The following AVEN variants were observed in gnomAD, a reference collection of about 807,000 sequenced individuals.
AVEN encodes cell death regulator Aven.
Under a neutral mutation model 38.1 loss-of-function variants are expected in AVEN, and 41 were observed. The observed-to-expected ratio is 1.08, with a 90% CI of 0.84 to 1.40. AVEN has a LOEUF of 1.40. Ranked by LOEUF, AVEN falls within the 40% of genes most tolerant of loss-of-function variation. AVEN has a pLI of 0.00. For synonymous variants in AVEN, 206 were observed against 171.8 expected (o/e 1.20, Z -1.56); for missense variants, 605 against 438.8 (o/e 1.38, Z -3.38).
At chr15:34,071,558 G>A (rs1339826302) in intron 1 of AVEN, among the ~76,000 whole-genome samples, 1 of 152,190 alleles carries the variant, frequency 6.6e-6, no homozygotes, top group Non-Finnish European at 1.5e-5. Context: ...TTCCAGGTGT[G>A]AGGCACCGTG....
At chr15:33,921,233 G>T (rs543837151) in intron 2 of AVEN, among the ~76,000 whole-genome samples, 3 of 152,202 alleles carry the variant, frequency 2.0e-5, no homozygotes, top group Admixed American at 6.5e-5. Flanking sequence ...AGTAGATAAA[G>T]ATTAATCTTC....
At chr15:33,883,442 T>C (rs929930414) in intron 2 of AVEN, among the ~76,000 whole-genome samples, 1 of 152,196 alleles carries the variant, frequency 6.6e-6, no homozygotes, top group South Asian at 2.1e-4. Flanking sequence ...AAAATGTGTT[T>C]TGGTGAACCA....
At chr15:34,053,664 A>G (rs1483721597) in intron 5 of AVEN, among the ~76,000 whole-genome samples, 1 of 152,138 alleles carries the variant, frequency 6.6e-6, no homozygotes, top group Non-Finnish European at 1.5e-5. Flanking sequence ...CTTATACCTT[A>G]TACAAAAATT....
At chr15:33,988,556 C>T (rs531567685) in intron 2 of AVEN, among the ~76,000 whole-genome samples, 3 of 152,124 alleles carry the variant, frequency 2.0e-5, no homozygotes, top group Admixed American at 1.3e-4. Context: ...CACTGATGAC[C>T]GCCATCAGCT....
At chr15:33,892,504 TTTC>T (rs1892029046) in intron 2 of AVEN, among the ~76,000 whole-genome samples, 1 of 152,034 alleles carries the variant, frequency 6.6e-6, no homozygotes, top group Non-Finnish European at 1.5e-5. Flanking sequence ...CATTGCTTGT[TTTC>T]GTCAGGTTTG....
chr15:33,948,853 A>G (rs988156987), intron 2 of AVEN, among the ~76,000 whole-genome samples: 1 of 151,576 alleles, frequency 6.6e-6, no homozygotes, highest in Non-Finnish European at 1.5e-5. Context: ...TTGTATTTTT[A>G]TCGAGACAGG....
chr15:33,904,716 T>TACACACACAC lies in AVEN; in HGVS notation c.446-28731_446-28722dup, dbSNP rs371204081. ...AAAAATATATATATATATATATATA[T>TACACACACAC]ACACACACACACGAATATGCACGCT... is the stretch of plus-strand genomic sequence containing the variant. On this transcript the variant is annotated intron_variant, in intron 2 of 5. Transcript: ENST00000306730. Among the ~76,000 whole-genome samples, 50 of 143,348 alleles carry TACACACACAC rather than the reference T, an allele frequency of 3.5e-4. No individual in the cohort carries two copies. In the East Asian group the frequency reaches 7.3e-3, roughly 21 times the overall value. 94.0% of individuals were successfully genotyped at this position (143,348 alleles called of 152,430 possible).
At chr15:34,059,136 A>C (rs1900254038) in intron 5 of AVEN, among the ~76,000 whole-genome samples, 1 of 152,056 alleles carries the variant, frequency 6.6e-6, no homozygotes, top group Admixed American at 6.5e-5. Flanking sequence ...ACCTCAGGCT[A>C]TCCACCCGCC....
intron 2 of AVEN, among the ~76,000 whole-genome samples, chr15:33,894,537 T>G (rs1454694362): frequency 2.1e-5 from 3 of 140,248 alleles, no homozygotes; most frequent in African/African-American, 8.3e-5. Context: ...AAAAAAATCA[T>G]CGGCCGGGCA....
chr15:33,977,630 G>A (rs1446732813), intron 2 of AVEN, among the ~76,000 whole-genome samples: 1 of 152,126 alleles, frequency 6.6e-6, no homozygotes, highest in Non-Finnish European at 1.5e-5. Flanking sequence ...ACAGCCCTAT[G>A]TCTATGTCTG....
intron 1 of AVEN, among the ~76,000 whole-genome samples, chr15:34,025,222 A>C (rs1234710504): frequency 6.6e-6 from 1 of 152,188 alleles, no homozygotes; most frequent in Non-Finnish European, 1.5e-5. Context: ...AAGATTCTGA[A>C]ATATGAAGTG....
intron 1 of AVEN, among the ~76,000 whole-genome samples, chr15:34,034,165 A>G (rs568253726): frequency 6.6e-6 from 1 of 152,308 alleles, no homozygotes; most frequent in Non-Finnish European, 1.5e-5. Context: ...ATCCAGAGCC[A>G]AGTGTGGTGA....
chr15:33,870,860 G>T, intron 4 of AVEN, 75 bp downstream of exon 4: 1 of 1,033,428 alleles, frequency 9.7e-7, no homozygotes, highest in Non-Finnish European at 1.4e-6. Flanking sequence ...GAGACATCCT[G>T]CTGAGGGAAG....
intron 4 of AVEN, among the ~76,000 whole-genome samples, chr15:33,869,541 G>A (rs906476921): frequency 6.6e-6 from 1 of 152,134 alleles, no homozygotes; most frequent in Non-Finnish European, 1.5e-5. Context: ...AGAGCCACTA[G>A]TGCTCTCCCA....
At chr15:33,901,258 C>T (rs2153043199) in intron 2 of AVEN, among the ~76,000 whole-genome samples, 1 of 152,282 alleles carries the variant, frequency 6.6e-6, no homozygotes, top group African/African-American at 2.4e-5. Flanking sequence ...CAGAGCAAGA[C>T]TCCACCTCAA....
At chr15:34,045,355 C>T (rs1274098244) in intron 5 of AVEN, among the ~76,000 whole-genome samples, 2 of 152,152 alleles carry the variant, frequency 1.3e-5, no homozygotes, top group African/African-American at 2.4e-5. Context: ...CTTCAGTCAG[C>T]AATTTGATTC....
chr15:33,999,214 G>A (rs1897049487), intron 2 of AVEN, among the ~76,000 whole-genome samples: 1 of 152,172 alleles, frequency 6.6e-6, no homozygotes, highest in South Asian at 2.1e-4. Flanking sequence ...CTCAGAGTGG[G>A]GTCATCTTCA....
chr15:33,983,309 T>A (rs931443942), intron 2 of AVEN, among the ~76,000 whole-genome samples: 1 of 151,722 alleles, frequency 6.6e-6, no homozygotes. Context: ...TGTAACTGAT[T>A]AATGAGGAAG....
intron 2 of AVEN, among the ~76,000 whole-genome samples, chr15:34,002,297 G>A (rs1428031887): frequency 1.3e-5 from 2 of 152,248 alleles, no homozygotes; most frequent in Non-Finnish European, 2.9e-5. Flanking sequence ...CTGTCACGCT[G>A]CCCCTTTATA....
Sources: allele counts gnomAD v4.1 joint callset (sites outside exome capture counted in the v4.1 genomes callset), GRCh38; gene constraint gnomAD v4.1.1; transcripts MANE v1.5; gene names NCBI Gene and HGNC (gene_info 2026-07-23, HGNC 2026-07-21).